The following UBE2E2 variants were observed in gnomAD, a reference collection of about 807,000 sequenced individuals.
UBE2E2 encodes ubiquitin conjugating enzyme E2 E2, also known as ubiquitin-conjugating enzyme E2 E2.
A neutral mutation model predicts 24.7 loss-of-function variants in UBE2E2; 6 were observed. That is an observed-to-expected ratio of 0.24 (90% CI 0.13 to 0.48). The LOEUF is 0.48. Among genes scored for constraint, UBE2E2 ranks in the 20% least tolerant of loss-of-function variants. The pLI, the probability that UBE2E2 is intolerant of heterozygous loss-of-function variation, is 0.99. For synonymous variants in UBE2E2, 104 were observed against 83.6 expected, an observed-to-expected ratio of 1.24 and a Z score of -1.33; for missense variants, 169 against 245.0, an observed-to-expected ratio of 0.69 and a Z score of 2.07.
intron 3 of UBE2E2, among the ~76,000 whole-genome samples, chr3:23,264,068 A>G (rs1420173744): frequency 1.3e-5 from 2 of 152,130 alleles, no homozygotes; most frequent in Non-Finnish European, 2.9e-5. Context: ...CATTAATCGT[A>G]TGATGTAGGT....
At chr3:23,582,566 G>A (rs1379446954) in intron 5 of UBE2E2, among the ~76,000 whole-genome samples, 2 of 152,140 alleles carry the variant, frequency 1.3e-5, no homozygotes, top group East Asian at 3.8e-4. Context: ...TCCAGCATCT[G>A]TTATTTTTTG....
chr3:23,208,150 G>C (rs573501686), intron 1 of UBE2E2, among the ~76,000 whole-genome samples: 11 of 152,112 alleles, frequency 7.2e-5, no homozygotes, highest in Admixed American at 7.2e-4. Flanking sequence ...TGCCCAGGCT[G>C]GTGCTCCCTG....
chr3:23,379,346 A>C, intron 3 of UBE2E2, among the ~76,000 whole-genome samples: 1 of 149,976 alleles, frequency 6.7e-6, no homozygotes, highest in African/African-American at 2.4e-5. Flanking sequence ...TGCACCCACT[A>C]ACTCGTCATC....
At chr3:23,342,619 G>A (rs1454772242) in intron 3 of UBE2E2, among the ~76,000 whole-genome samples, 3 of 152,074 alleles carry the variant, frequency 2.0e-5, no homozygotes, top group African/African-American at 7.2e-5. Flanking sequence ...GTATTTGTTT[G>A]TAGTTGGCTT....
intron 3 of UBE2E2, among the ~76,000 whole-genome samples, chr3:23,301,471 C>G (rs1699086989): frequency 6.6e-6 from 1 of 152,160 alleles, no homozygotes; most frequent in Non-Finnish European, 1.5e-5. Context: ...GTGTGGATGT[C>G]CTTTCTGTTT....
At chr3:23,270,874 T>C in intron 3 of UBE2E2, 2 of 455,828 alleles carry the variant, frequency 4.4e-6, no homozygotes, top group Non-Finnish European at 8.8e-6. Context: ...ATTACAAGTC[T>C]CAGATTAAGA....
At chr3:23,456,792 T>A (rs889475716) in intron 3 of UBE2E2, among the ~76,000 whole-genome samples, 2 of 152,206 alleles carry the variant, frequency 1.3e-5, no homozygotes, top group African/African-American at 4.8e-5. Context: ...GAGCATTGGC[T>A]TCAACTTAAA....
At chr3:23,566,987 C>T (rs1272233774) in intron 5 of UBE2E2, among the ~76,000 whole-genome samples, 1 of 152,200 alleles carries the variant, frequency 6.6e-6, no homozygotes, top group Non-Finnish European at 1.5e-5. Flanking sequence ...GTCCCAAGCT[C>T]AAGAAAGTGA....
In UBE2E2 at chr3:23,280,602, G is replaced by A. The variant is rs999738357; in HGVS notation, c.227+63290G>A. ...ACCCAACAGCAACCCTGATGACCCA[G>A]TTGTCTTACTCACTCAGAAATGGTG... On this transcript the variant is annotated intron_variant, in intron 3 of 5. Coordinates refer to ENST00000396703, the MANE Select transcript of UBE2E2 (RefSeq NM_152653.4). The surrounding 1 kb of genome is among the most constrained non-coding windows in gnomAD (Gnocchi z 4.3). Among the ~76,000 whole-genome samples, 3 of 152,172 alleles carry A rather than the reference G, an allele frequency of 2.0e-5. No homozygotes were observed. The highest frequency in any genetic ancestry group is 7.2e-5 in the African/African-American group (3 of 41,454).
intron 5 of UBE2E2, among the ~76,000 whole-genome samples, chr3:23,586,802 A>G (rs1696636650): frequency 6.6e-6 from 1 of 152,230 alleles, no homozygotes; most frequent in Non-Finnish European, 1.5e-5. Context: ...ATTAGAAATG[A>G]TGAAGTAGAT....
intron 3 of UBE2E2, among the ~76,000 whole-genome samples, chr3:23,462,110 A>G (rs1698815635): frequency 6.6e-6 from 1 of 152,158 alleles, no homozygotes; most frequent in Admixed American, 6.5e-5. Context: ...TATGAAATAT[A>G]TTTTCAAAAA....
intron 3 of UBE2E2, among the ~76,000 whole-genome samples, chr3:23,302,287 T>C (rs1437457073): frequency 6.6e-6 from 1 of 152,248 alleles, no homozygotes; most frequent in African/African-American, 2.4e-5. Context: ...TCAGAGACTA[T>C]ATAATATTTC....
intron 3 of UBE2E2, among the ~76,000 whole-genome samples, chr3:23,232,372 CGTA>C (rs774296953): frequency 1.6e-4 from 25 of 152,150 alleles, no homozygotes; most frequent in Non-Finnish European, 3.4e-4. Context: ...TTTTACCTGA[CGTA>C]GTCAAGAAAT....
intron 4 of UBE2E2, among the ~76,000 whole-genome samples, chr3:23,509,334 T>C (rs547546098): frequency 6.6e-6 from 1 of 152,304 alleles, no homozygotes; most frequent in Non-Finnish European, 1.5e-5. Context: ...TGAAAACAAA[T>C]TATATTTCAT....
intron 3 of UBE2E2, among the ~76,000 whole-genome samples, chr3:23,309,120 G>T (rs1319961157): frequency 1.3e-5 from 2 of 152,170 alleles, no homozygotes; most frequent in African/African-American, 4.8e-5. Context: ...TCTAGACCCT[G>T]CCCACTTTGA....
At chr3:23,451,902 CATAAAG>C (rs1698569467) in intron 3 of UBE2E2, among the ~76,000 whole-genome samples, 1 of 152,120 alleles carries the variant, frequency 6.6e-6, no homozygotes, top group Non-Finnish European at 1.5e-5. Context: ...TTGCTTATCT[CATAAAG>C]ATAAATTTTT....
rs796922017 is a variant in UBE2E2, at chr3:23,210,224, G to T, written c.176+1349G>T. On this transcript the variant is annotated intron_variant, in intron 2 of 5. Transcript: ENST00000396703. ...GTACAGATTGTAGTTCCACGCAGATGAGGAAGATCTAATTCAGTCCTCAGT... is the reference window on the plus strand; with the variant it reads ...GTACAGATTGTAGTTCCACGCAGATTAGGAAGATCTAATTCAGTCCTCAGT... 9.2e-5 allele frequency among the ~76,000 whole-genome samples: 14 copies of T among 152,290 alleles called. No homozygotes were observed. In the South Asian group the frequency reaches 2.5e-3, roughly 27 times the overall value.
At chr3:23,378,802 G>A (rs528296832) in intron 3 of UBE2E2, among the ~76,000 whole-genome samples, 3 of 152,108 alleles carry the variant, frequency 2.0e-5, no homozygotes, top group East Asian at 3.9e-4. Flanking sequence ...GAAGTTTTGG[G>A]GACTCTGAAC....
intron 3 of UBE2E2, among the ~76,000 whole-genome samples, chr3:23,434,640 C>T (rs1698143278): frequency 6.6e-6 from 1 of 151,990 alleles, no homozygotes; most frequent in Admixed American, 6.6e-5. Context: ...AATATGCAAA[C>T]TTGTATAAAT....
Sources: allele counts gnomAD v4.1 joint callset (sites outside exome capture counted in the v4.1 genomes callset), GRCh38; gene constraint gnomAD v4.1.1; non-coding constraint Gnocchi (gnomAD v3.1); transcripts MANE v1.5; gene names NCBI Gene and HGNC (gene_info 2026-07-23, HGNC 2026-07-21).